Variants in KANK1 observed in about 807,000 individuals in gnomAD.
KANK1 encodes the protein KN motif and ankyrin repeat domains 1, also known as KN motif and ankyrin repeat domain-containing protein 1.
Under a neutral mutation model 106.2 loss-of-function variants are expected in KANK1, and 109 were observed. The ratio of observed to expected loss-of-function variants is 1.03; its 90% CI spans 0.88 to 1.20. The LOEUF (loss-of-function observed/expected upper bound fraction) is 1.20. KANK1 is among the 50% of genes most tolerant of loss of function. The probability of loss-of-function intolerance (pLI) is 0.00; values close to 1 mark genes in which losing one functional copy is unlikely to be tolerated. For missense variants in KANK1, 2,399 were observed against 1,710.7 expected (o/e 1.40, Z -7.10); for synonymous variants, 873 against 652.2 (o/e 1.34, Z -5.16).
At chr9:526,695 C>G (rs930476779) in intron 1 of KANK1, among the ~76,000 whole-genome samples, 1 of 151,834 alleles carries the variant, frequency 6.6e-6, no homozygotes, top group Non-Finnish European at 1.5e-5. Context: ...CCACCTGATT[C>G]CCTCTCCTCA....
chr9:688,296 C>G (rs1186904153), intron 2 of KANK1, among the ~76,000 whole-genome samples: 1 of 152,206 alleles, frequency 6.6e-6, no homozygotes, highest in Non-Finnish European at 1.5e-5. Flanking sequence ...CCCTCACTTG[C>G]TCTAAGGCAG....
intron 1 of KANK1, among the ~76,000 whole-genome samples, chr9:529,657 A>G (rs948380972): frequency 6.6e-6 from 1 of 152,114 alleles, no homozygotes; most frequent in Non-Finnish European, 1.5e-5. Context: ...TTTTAAAATC[A>G]TTTTAAAGAG....
At chr9:727,171 T>A (rs1165302158) in intron 3 of KANK1, among the ~76,000 whole-genome samples, 2 of 152,256 alleles carry the variant, frequency 1.3e-5, no homozygotes, top group Non-Finnish European at 2.9e-5. Flanking sequence ...TTTACTGTTT[T>A]AAACATGGAA....
rs1406499458 is a variant in KANK1 at position 730,056 on chromosome 9, T to C, written c.2704T>C (p.Tyr902His). The C allele has an allele frequency of 6.2e-7, 1 of 1,613,986 alleles. No homozygotes were observed. Among genetic ancestry groups the C allele is most frequent in the East Asian group, 2.2e-5 (1 of 44,884 alleles). ...ACCTTTCTTTTTCCTGATAGGCAATTATTTGGGATATACCTGTAAGTGTGG... is the reference window on the plus strand; with the variant it reads ...ACCTTTCTTTTTCCTGATAGGCAATCATTTGGGATATACCTGTAAGTGTGG... ...KTSLGKITGN[Y>H]LGYTCKCGGL... is the part of the protein sequence containing the mutation. Residue 902 changes from tyrosine (Y) to histidine (H), a missense_variant, in exon 4 of 12, where the codon TAT (tyrosine) becomes CAT (histidine). Tyr to His is a moderately conservative substitution (Grantham distance 83). Coordinates refer to ENST00000382297, the MANE Select transcript of KANK1 (RefSeq NM_015158.5).
intron 1 of KANK1, among the ~76,000 whole-genome samples, chr9:625,456 C>T (rs1035681592): frequency 2.6e-5 from 4 of 152,106 alleles, no homozygotes; most frequent in Non-Finnish European, 4.4e-5. Flanking sequence ...CTTGGGCCTC[C>T]AAGATTGCCT....
intron 1 of KANK1, among the ~76,000 whole-genome samples, chr9:661,822 T>A (rs13290749): frequency 0.84 from 127,070 of 151,566 alleles, 53,414 homozygotes; most frequent in East Asian, 0.97. Context: ...CCATTCTAAC[T>A]GGTGTGAGAT....
At chr9:614,638 C>T (rs1419994098) in intron 1 of KANK1, among the ~76,000 whole-genome samples, 1 of 151,982 alleles carries the variant, frequency 6.6e-6, no homozygotes, top group Non-Finnish European at 1.5e-5. Context: ...CCGGAAGTGC[C>T]CCTCAGACAT....
chr9:736,157 A>T (rs1833748856), intron 7 of KANK1, among the ~76,000 whole-genome samples: 1 of 152,036 alleles, frequency 6.6e-6, no homozygotes, highest in South Asian at 2.1e-4. Flanking sequence ...ACCGGGTTTC[A>T]CCGTGTTAGT....
At chr9:579,228 GC>G (rs1393565451) in intron 1 of KANK1, among the ~76,000 whole-genome samples, 2 of 151,622 alleles carry the variant, frequency 1.3e-5, no homozygotes, top group Non-Finnish European at 2.9e-5. Flanking sequence ...GCTTCCCTCT[GC>G]CCCCAGTGTG....
At chr9:631,600 C>G (rs1036655216) in intron 1 of KANK1, among the ~76,000 whole-genome samples, 1 of 152,208 alleles carries the variant, frequency 6.6e-6, no homozygotes, top group African/African-American at 2.4e-5. Flanking sequence ...TCAGCCAGAG[C>G]AGTAGTTACT....
chr9:614,345 T>A (rs1194682329), intron 1 of KANK1, among the ~76,000 whole-genome samples: 1 of 152,228 alleles, frequency 6.6e-6, no homozygotes, highest in Non-Finnish European at 1.5e-5. Context: ...GGTAATAGGA[T>A]CTTTTACCCA....
rs1289275991 is a variant in KANK1 at position 742,498 on chromosome 9, C to T, written c.3897+93C>T. 5 of 847,468 alleles carry T rather than the reference C, an allele frequency of 5.9e-6. No homozygotes were observed. In the African/African-American group the frequency reaches 6.8e-5, roughly 12 times the overall value. 52.5% of individuals were successfully genotyped at this position (847,468 alleles called of 1,614,324 possible). ...CCTTTTGGCCAGGAGCGACCAAATCCTCCTCTATTCTCCTCTGGGATTTGT... is the reference window on the plus strand; with the variant it reads ...CCTTTTGGCCAGGAGCGACCAAATCTTCCTCTATTCTCCTCTGGGATTTGT... On this transcript the variant is annotated intron_variant, in intron 10 of 11. Transcript: ENST00000382297.
chr9:658,348 A>G (rs1054715385), intron 1 of KANK1, among the ~76,000 whole-genome samples: 2 of 152,036 alleles, frequency 1.3e-5, no homozygotes, highest in African/African-American at 4.8e-5. Context: ...GACTAAGCAA[A>G]TCTCATAACC....
chr9:720,954 C>T (rs1366428952), intron 3 of KANK1, among the ~76,000 whole-genome samples: 1 of 152,204 alleles, frequency 6.6e-6, no homozygotes. Context: ...AGAGGGGAGT[C>T]TAAATTCTTA....
At chr9:514,387 T>C (rs2059191222) in intron 1 of KANK1, among the ~76,000 whole-genome samples, 1 of 149,456 alleles carries the variant, frequency 6.7e-6, no homozygotes, top group South Asian at 2.1e-4. Flanking sequence ...TTCAGCTCAC[T>C]TTTCTGCCAA....
chr9:637,276 C>G (rs770491961), intron 1 of KANK1, among the ~76,000 whole-genome samples: 1 of 152,110 alleles, frequency 6.6e-6, no homozygotes, highest in African/African-American at 2.4e-5. Context: ...AGCTTTTGTT[C>G]CAGCATTTGT....
intron 3 of KANK1, among the ~76,000 whole-genome samples, chr9:489,929 C>A (rs955600402): frequency 6.6e-6 from 1 of 152,086 alleles, no homozygotes; most frequent in Non-Finnish European, 1.5e-5. Context: ...TCTGGGGGAA[C>A]AAAACCGTAC....
chr9:554,605 C>T (rs191349296), intron 1 of KANK1, among the ~76,000 whole-genome samples: 1 of 152,304 alleles, frequency 6.6e-6, no homozygotes, highest in African/African-American at 2.4e-5. Context: ...TCACAACCAT[C>T]TGAATTATCA....
chr9:723,633 A>G (rs77317052), intron 3 of KANK1, among the ~76,000 whole-genome samples: 3,876 of 152,120 alleles, frequency 0.025, 181 homozygotes, highest in African/African-American at 0.089. Context: ...TCTGTAATTC[A>G]TTCTGTGCAT....
Sources: gnomAD v4.1 joint callset for allele counts (sites outside exome capture counted in the v4.1 genomes callset) on GRCh38, gnomAD v4.1.1 for gene constraint, MANE v1.5 for transcripts, NCBI Gene and HGNC (gene_info 2026-07-23, HGNC 2026-07-21) for gene names.